GALNT14: variants seen among roughly 807,000 people sequenced by gnomAD.
The protein encoded by GALNT14 is UDP-GalNAc:polypeptide N-acetylgalactosaminyltransferase 14.
Under a neutral mutation model 77.5 loss-of-function variants are expected in GALNT14, and 60 were observed. The ratio of observed to expected loss-of-function variants is 0.77; its 90% confidence interval spans 0.63 to 0.96. The LOEUF is 0.96. GALNT14 is among the 40% of genes least tolerant of loss of function. GALNT14 has a pLI of 0.00. For synonymous variants in GALNT14, 280 were observed against 281.7 expected (o/e 0.99, Z 0.06); for missense variants, 710 against 731.0 (o/e 0.97, Z 0.33).
intron 1 of GALNT14, among the ~76,000 whole-genome samples, chr2:31,003,651 G>A (rs577061229): frequency 1.1e-4 from 17 of 152,226 alleles, no homozygotes; most frequent in Middle Eastern, 3.4e-3. Context: ...TCTCAATTGC[G>A]CTCCACATGC....
chr2:31,051,367 A>G (rs1673854531), intron 1 of GALNT14, among the ~76,000 whole-genome samples: 1 of 152,230 alleles, frequency 6.6e-6, no homozygotes, highest in Non-Finnish European at 1.5e-5. Flanking sequence ...ATTACCCTCC[A>G]TAATATGGGT....
rs534012336 is a variant in GALNT14 at position 31,020,348 on chromosome 2, A to AGTATTGTC, written c.130-27349_130-27342dup. Among the ~76,000 whole-genome samples, 836 of 152,354 alleles carry AGTATTGTC rather than the reference A, an allele frequency of 5.5e-3. 3 individuals carry two copies. The highest frequency in any genetic ancestry group is 0.017 in the Middle Eastern group (5 of 294). ...CATTCAAAACACAGCCATAGTTTAT[A>AGTATTGTC]GTATTGTCATGTGGGTAAATGACAC... On this transcript the variant is annotated intron_variant, in intron 1 of 14. Coordinates refer to ENST00000349752, the MANE Select transcript of GALNT14 (RefSeq NM_024572.4).
chr2:31,026,820 T>C (rs1452565755), intron 1 of GALNT14, among the ~76,000 whole-genome samples: 2 of 152,242 alleles, frequency 1.3e-5, no homozygotes, highest in Non-Finnish European at 2.9e-5. Context: ...AAAGGGATTC[T>C]GCTCCAAGTC....
intron 13 of GALNT14, 146 bp downstream of exon 13, chr2:30,923,973 G>A (rs1665193689): frequency 1.1e-6 from 1 of 876,120 alleles, no homozygotes; most frequent in Admixed American, 2.0e-5. Flanking sequence ...CAGAGTGGGG[G>A]GATCACACCT....
chr2:31,107,987 C>T (rs1677641700), intron 1 of GALNT14, among the ~76,000 whole-genome samples: 1 of 152,196 alleles, frequency 6.6e-6, no homozygotes, highest in Non-Finnish European at 1.5e-5. Context: ...AACCCACACA[C>T]TCACGCTGAA....
intron 2 of GALNT14, among the ~76,000 whole-genome samples, chr2:30,966,527 G>A (rs1434872257): frequency 6.6e-6 from 1 of 152,174 alleles, no homozygotes; most frequent in African/African-American, 2.4e-5. Flanking sequence ...ACCACCTTGG[G>A]GGAACCTAGG....
intron 1 of GALNT14, among the ~76,000 whole-genome samples, chr2:31,076,814 A>G (rs1012189355): frequency 8.5e-5 from 13 of 152,110 alleles, no homozygotes; most frequent in Non-Finnish European, 1.6e-4. Flanking sequence ...AAAGAAAGGC[A>G]CTGCTCTTGG....
chr2:30,994,419 G>A (rs1669898063), intron 1 of GALNT14, among the ~76,000 whole-genome samples: 1 of 152,176 alleles, frequency 6.6e-6, no homozygotes, highest in Non-Finnish European at 1.5e-5. Flanking sequence ...CAGTGTGCAT[G>A]TTCATCTGGG....
At position 30,924,147 on chromosome 2, in the gene GALNT14, T is replaced by G; in HGVS notation, c.1352A>C (p.Lys451Thr). Residue 451 changes from lysine (K) to threonine (T), a missense_variant, in exon 13 of 15, where the codon AAG becomes ACG. Lys to Thr is a moderately conservative substitution (Grantham distance 78, BLOSUM62 -1). Transcript: ENST00000349752. Reference protein sequence around the residue: ...TPNLKLSPCAKVKGEDAKSQV... With the variant: ...TPNLKLSPCATVKGEDAKSQV... The stretch of plus-strand genomic sequence containing the variant: ...GGACTTTGCATCTTCGCCTTTGACC[T>G]TGGCACAGGGGCTCAACTTTAGGTT... The G allele has an allele frequency of 6.2e-7, 1 of 1,614,240 alleles. No individual in the cohort carries two copies. Among genetic ancestry groups the G allele is most frequent in the Non-Finnish European group, 8.5e-7 (1 of 1,180,042 alleles).
the GALNT14 span, among the ~76,000 whole-genome samples, chr2:30,898,620 C>T: frequency 5.3e-5 from 8 of 152,362 alleles, no homozygotes; most frequent in African/African-American, 1.9e-4. Flanking sequence ...CCTGTATTAT[C>T]TACCACCAGA....
At chr2:30,932,451 C>T (rs1161866590) in intron 9 of GALNT14, among the ~76,000 whole-genome samples, 1 of 152,174 alleles carries the variant, frequency 6.6e-6, no homozygotes, top group Non-Finnish European at 1.5e-5. Flanking sequence ...TATTCAGGGG[C>T]CAGCATGGCG....
intron 1 of GALNT14, among the ~76,000 whole-genome samples, chr2:30,996,998 T>C (rs1464888555): frequency 1.3e-5 from 2 of 152,206 alleles, no homozygotes; most frequent in African/African-American, 4.8e-5. Flanking sequence ...ACTATTTCAA[T>C]AGCACTTTAT....
chr2:31,107,374 C>G (rs1481633891), intron 1 of GALNT14, among the ~76,000 whole-genome samples: 1 of 152,174 alleles, frequency 6.6e-6, no homozygotes, highest in Non-Finnish European at 1.5e-5. Context: ...CAGGTACTCT[C>G]CTAAACCTCT....
intron 11 of GALNT14, among the ~76,000 whole-genome samples, chr2:30,927,770 G>C (rs935513239): frequency 6.6e-6 from 1 of 152,174 alleles, no homozygotes; most frequent in Non-Finnish European, 1.5e-5. Flanking sequence ...AATGAAGATC[G>C]AGGGAGAACG....
At chr2:31,130,855 TC>T (rs917397694) in intron 1 of GALNT14, among the ~76,000 whole-genome samples, 2 of 152,086 alleles carry the variant, frequency 1.3e-5, no homozygotes, top group African/African-American at 4.8e-5. Context: ...CCAAAGGGGT[TC>T]TTTCTTAATC....
intron 1 of GALNT14, among the ~76,000 whole-genome samples, chr2:31,005,878 G>A (rs767080604): frequency 6.6e-6 from 1 of 152,358 alleles, no homozygotes; most frequent in East Asian, 1.9e-4. Flanking sequence ...CAGCTTAGAA[G>A]GCTAGAAATT....
chr2:31,018,799 A>C (rs1052140611), intron 1 of GALNT14, among the ~76,000 whole-genome samples: 2 of 152,166 alleles, frequency 1.3e-5, no homozygotes, highest in East Asian at 3.9e-4. Flanking sequence ...AACTAATTTT[A>C]CTCAGCACAC....
At chr2:30,988,722 G>C (rs562143019) in intron 2 of GALNT14, among the ~76,000 whole-genome samples, 1 of 152,268 alleles carries the variant, frequency 6.6e-6, no homozygotes, top group South Asian at 2.1e-4. Context: ...TTCTAAACTT[G>C]AGCCGGCATC....
intron 1 of GALNT14, among the ~76,000 whole-genome samples, chr2:31,067,972 G>A (rs375907305): frequency 1.3e-5 from 2 of 152,100 alleles, no homozygotes; most frequent in Admixed American, 6.5e-5. Flanking sequence ...CTCTTCCTTC[G>A]TGTGGGCCTT....
Sources: gnomAD v4.1 joint callset for allele counts (sites outside exome capture counted in the v4.1 genomes callset) on GRCh38, gnomAD v4.1.1 for gene constraint, MANE v1.5 for transcripts, NCBI Gene and HGNC (gene_info 2026-07-23, HGNC 2026-07-21) for gene names.